The following CCDC63 variants were observed in gnomAD, a reference collection of about 807,000 sequenced individuals.
The protein encoded by CCDC63 is coiled-coil domain containing 63.
CCDC63 carries 54 observed loss-of-function variants against 63.6 expected under a neutral mutation model. The ratio of observed to expected loss-of-function variants is 0.85; its 90% CI spans 0.68 to 1.07. CCDC63 has a LOEUF of 1.07. Among genes scored for constraint, CCDC63 ranks in the 50% least tolerant of loss-of-function variants. The probability of loss-of-function intolerance (pLI) is 0.00; values close to 1 mark genes in which losing one functional copy is unlikely to be tolerated. For synonymous variants in CCDC63, 253 were observed against 266.1 expected, an observed-to-expected ratio of 0.95 and a Z score of 0.48; for missense variants, 637 against 689.6, an observed-to-expected ratio of 0.92 and a Z score of 0.86.
chr12:110,859,895 C>T lies in CCDC63; in HGVS notation c.369+1120C>T, dbSNP rs1327763914. Among the ~76,000 whole-genome samples the T allele has an allele frequency of 2.0e-5, 3 of 152,092 alleles. No individual in the cohort carries two copies. The East Asian group carries it at 5.8e-4, about 30-fold the overall frequency. On this transcript the variant is annotated intron_variant, in intron 4 of 11. Transcript: ENST00000308208. ...GCCCACCTCAGGGCCTTTGCTTATG[C>T]TCCCCCACTCCCACCCCTTCCCCCA...
At chr12:110,858,898 C>A in intron 4 of CCDC63, 123 bp downstream of exon 4, 2 of 758,224 alleles carry the variant, frequency 2.6e-6, no homozygotes, top group Non-Finnish European at 4.3e-6. Context: ...CTCTGGACAG[C>A]CCGCTAAATG....
rs764555614 is a variant in CCDC63 at position 110,853,381 on chromosome 12, C to CCCACTCCTCT, written c.10-20_10-11dup. Reference sequence around the variant, plus strand: ...CTAGCCACCTGGCCCACTACGGCCTCCCACTCCTCTCCATCTCCCCCAGTT... The same window carrying CCCACTCCTCT: ...CTAGCCACCTGGCCCACTACGGCCTCCCACTCCTCTCCACTCCTCTCCATCTCCCCCAGTT... On this transcript the variant is annotated intron_variant, in intron 2 of 11. Coordinates refer to ENST00000308208, the MANE Select transcript of CCDC63 (RefSeq NM_152591.3). 2.8e-5 allele frequency: 45 copies of CCCACTCCTCT among 1,601,286 alleles called. No homozygotes were observed. In the South Asian group the frequency reaches 4.4e-4, roughly 16 times the overall value.
At chr12:110,849,498 C>CTTTTTTT (rs56059098) in intron 1 of CCDC63, among the ~76,000 whole-genome samples, 2 of 126,298 alleles carry the variant, frequency 1.6e-5, no homozygotes, top group Non-Finnish European at 1.6e-5. Context: ...CTCTTATTTC[C>CTTTTTTT]TTTTTTTTTT....
In CCDC63 at chr12:110,854,052, C is replaced by T. The variant is rs2070738594; in HGVS notation, c.179+478C>T. Among the ~76,000 whole-genome samples the T allele has an allele frequency of 2.0e-5, 3 of 152,182 alleles. No homozygotes were observed. In the South Asian group the frequency reaches 6.2e-4, roughly 32 times the overall value. ...GCTCAGCTTGGGTTAGCAGTCTCCT[C>T]CTGGTCCAATCAGCTGTGGCTTGAG... is the stretch of plus-strand genomic sequence containing the variant. On this transcript the variant is annotated intron_variant, in intron 3 of 11. Transcript: ENST00000308208.
At chr12:110,858,528 T>C (rs4766432) in intron 3 of CCDC63, 58 bp from the exon 4 acceptor site, 923,834 of 1,492,374 alleles carry the variant, frequency 0.62, 288,954 homozygotes, top group Admixed American at 0.7. Context: ...GTGCCTGGAG[T>C]GCTCCGTCAA....
chr12:110,900,430 G>A (rs1461710827), intron 10 of CCDC63, among the ~76,000 whole-genome samples: 2 of 152,138 alleles, frequency 1.3e-5, no homozygotes, highest in African/African-American at 2.4e-5. Context: ...TAGAAAGGAA[G>A]GAATAAAGTG....
intron 4 of CCDC63, among the ~76,000 whole-genome samples, chr12:110,870,966 C>T (rs967919224): frequency 1.3e-5 from 2 of 152,102 alleles, no homozygotes; most frequent in Admixed American, 6.6e-5. Flanking sequence ...GAAGAAGTCA[C>T]CTCCACTGAA....
chr12:110,886,049 G>A (rs960488607), intron 8 of CCDC63, among the ~76,000 whole-genome samples: 1 of 152,138 alleles, frequency 6.6e-6, no homozygotes, highest in African/African-American at 2.4e-5. Flanking sequence ...TGGAGTGAAG[G>A]TGACTTTATC....
At chr12:110,871,243 G>A (rs2071061701) in intron 4 of CCDC63, among the ~76,000 whole-genome samples, 1 of 152,176 alleles carries the variant, frequency 6.6e-6, no homozygotes, top group Non-Finnish European at 1.5e-5. Context: ...CCGGGTTCAT[G>A]CCATTCTCCT....
At chr12:110,867,944 T>C (rs2070996917) in intron 4 of CCDC63, among the ~76,000 whole-genome samples, 2 of 138,360 alleles carry the variant, frequency 1.4e-5, no homozygotes, top group Middle Eastern at 4.3e-3. Context: ...ACGGGGCAGC[T>C]GCCGGGCGGA....
intron 3 of CCDC63, among the ~76,000 whole-genome samples, chr12:110,856,909 C>T (rs1055619011): frequency 1.4e-5 from 2 of 147,424 alleles, no homozygotes; most frequent in African/African-American, 5.0e-5. Flanking sequence ...AATGCAGTGG[C>T]ACGATCTCAG....
chr12:110,865,573 T>G (rs1167779968), intron 4 of CCDC63, among the ~76,000 whole-genome samples: 1 of 151,750 alleles, frequency 6.6e-6, no homozygotes, highest in Non-Finnish European at 1.5e-5. Context: ...AACCGAAAGA[T>G]CTGGGATATC....
At chr12:110,888,039 G>A (rs2071306796) in intron 8 of CCDC63, among the ~76,000 whole-genome samples, 1 of 152,110 alleles carries the variant, frequency 6.6e-6, no homozygotes, top group South Asian at 2.1e-4. Context: ...GACACCTCCC[G>A]CCCACATTCC....
intron 8 of CCDC63, among the ~76,000 whole-genome samples, chr12:110,884,998 G>A (rs2071260649): frequency 6.6e-6 from 1 of 151,792 alleles, no homozygotes; most frequent in Admixed American, 6.6e-5. Context: ...ACCACACCTG[G>A]CCTGTAATTG....
In CCDC63 at chr12:110,893,111, G is replaced by A. The variant is rs576446060; in HGVS notation, c.1110G>A (p.Leu370=). ...EIILLRSQQK[L]SHDDNHSVLR... ...TCCTCTTGCGATCCCAGCAGAAATT[G>A]TCCCACGATGACAACCACTCTGTCC... is the stretch of plus-strand genomic sequence containing the variant. Residue 370 remains leucine (L), a synonymous_variant, in exon 9 of 12, where the codon TTG becomes TTA. Transcript: ENST00000308208. 6.2e-7 allele frequency: 1 copy of A among 1,614,076 alleles called. No individual in the cohort carries two copies. Among genetic ancestry groups the A allele is most frequent in the East Asian group, 2.2e-5 (1 of 44,868 alleles).
At chr12:110,864,768 TC>T (rs2070918487) in intron 4 of CCDC63, among the ~76,000 whole-genome samples, 1 of 151,932 alleles carries the variant, frequency 6.6e-6, no homozygotes, top group Non-Finnish European at 1.5e-5. Flanking sequence ...TGATGCTCTA[TC>T]CCCTGGAGCT....
At chr12:110,867,839 C>T (rs71458374) in intron 4 of CCDC63, among the ~76,000 whole-genome samples, 26,150 of 142,076 alleles carry the variant, frequency 0.18, 1,725 homozygotes, top group African/African-American at 0.25. Flanking sequence ...GGCAGAGGCG[C>T]CCCTCACCTC....
At chr12:110,858,927 C>T (rs942745640) in intron 4 of CCDC63, 152 bp downstream of exon 4, 15 of 641,838 alleles carry the variant, frequency 2.3e-5, no homozygotes, top group African/African-American at 7.4e-5. Context: ...GCTATCGTCT[C>T]GCTACCCTTG....
rs762555966 is a variant in CCDC63 at position 110,881,271 on chromosome 12, C to T, written c.828C>T (p.Phe276=). The change falls in exon 7 of 12, where the codon TTC becomes TTT. Residue 276 remains phenylalanine (F), a synonymous_variant. Transcript: ENST00000308208. ...LLVKLNDRNE[F]EEQAKREEAL... Reference sequence around the variant, plus strand: ...TCAAGCTGAATGATCGCAATGAATTCGAGGAGCAGGCCAAAAGGGAGGAAG... The same window carrying T: ...TCAAGCTGAATGATCGCAATGAATTTGAGGAGCAGGCCAAAAGGGAGGAAG... 13 of 1,613,398 alleles carry T rather than the reference C, an allele frequency of 8.1e-6. No homozygotes were observed. The Admixed American group carries it at 1.2e-4, about 14-fold the overall frequency.
Sources: gnomAD v4.1 joint callset for allele counts (sites outside exome capture counted in the v4.1 genomes callset) on GRCh38, gnomAD v4.1.1 for gene constraint, MANE v1.5 for transcripts, NCBI Gene and HGNC (gene_info 2026-07-23, HGNC 2026-07-21) for gene names.